SMARCA1: variants seen among roughly 807,000 people sequenced by gnomAD.
SMARCA1 encodes the protein SNF2 related chromatin remodeling ATPase 1.
Under a neutral mutation model 93.6 loss-of-function variants are expected in SMARCA1, and 17 were observed. The observed-to-expected ratio is 0.18, with a 90% CI of 0.12 to 0.27. SMARCA1 has a LOEUF of 0.27. SMARCA1 is among the 10% of genes least tolerant of loss of function. SMARCA1 has a pLI of 1.00. For synonymous variants in SMARCA1, 271 were observed against 271.4 expected (o/e 1.00, Z 0.01); for missense variants, 630 against 819.0 (o/e 0.77, Z 2.82).
chrX:129,480,558 C>G (rs968932266), intron 19 of SMARCA1, 143 bp downstream of exon 19: 71 of 260,098 alleles, frequency 2.7e-4, no homozygotes, highest in African/African-American at 1.7e-3. Context: ...AGTTAAACTT[C>G]CTCTTTGGTT....
chrX:129,488,286 CAA>C (rs34476497), intron 16 of SMARCA1, among the ~76,000 whole-genome samples: 664 of 46,681 alleles, frequency 0.014, 5 homozygotes, highest in African/African-American at 0.041. Context: ...TAGTCCAGTG[CAA>C]AAAAAAAAAA....
At chrX:129,488,284 T>A (rs1340979868) in intron 16 of SMARCA1, among the ~76,000 whole-genome samples, 4 of 60,164 alleles carry the variant, frequency 6.6e-5, no homozygotes, top group Non-Finnish European at 8.3e-5. Flanking sequence ...TCTAGTCCAG[T>A]GCAAAAAAAA....
intron 3 of SMARCA1, 59 bp from the exon 4 acceptor site, chrX:129,516,053 A>G: frequency 1.2e-6 from 1 of 830,073 alleles, no homozygotes; most frequent in Non-Finnish European, 1.8e-6. Flanking sequence ...TATCAATTAA[A>G]TCAGTGTACA....
At chrX:129,496,531 GAT>G (rs1934335178) in intron 12 of SMARCA1, among the ~76,000 whole-genome samples, 1 of 110,796 alleles carries the variant, frequency 9.0e-6, no homozygotes, top group African/African-American at 3.3e-5. Flanking sequence ...GTGCCCTTTA[GAT>G]AAGTGGTGAT....
Position 129,471,304 on chromosome X carries a change from G to A in SMARCA1, c.2465C>T (p.Pro822Leu). The A allele has an allele frequency of 8.3e-7, 1 of 1,197,689 alleles. No individual in the cohort carries two copies. Among genetic ancestry groups the A allele is most frequent in the Middle Eastern group, 2.3e-4 (1 of 4,289 alleles). Reference sequence around the variant, plus strand: ...TTCTCTTTGAGCCAGAGCTGGATTTGGGATATCAGGATTCCTTGGAACCTA... The same window carrying A: ...TTCTCTTTGAGCCAGAGCTGGATTTAGGATATCAGGATTCCTTGGAACCTA... The part of the protein sequence containing the change: ...GYKVPRNPDI[P>L]NPALAQREEQ... Residue 822 changes from proline to leucine, a missense_variant, in exon 20 of 25, where the codon CCA becomes CTA. By Grantham distance (98) the Pro-to-Leu change is moderately conservative (BLOSUM62 -3). Coordinates refer to ENST00000371121, the MANE Select transcript of SMARCA1 (RefSeq NM_001282874.2).
intron 21 of SMARCA1, 117 bp from the exon 22 acceptor site, chrX:129,466,079 G>T (rs992699799): frequency 3.0e-5 from 10 of 335,209 alleles, no homozygotes; most frequent in African/African-American, 2.4e-4. Flanking sequence ...TTAAAATTAA[G>T]ATTCAGATTA....
intron 23 of SMARCA1, among the ~76,000 whole-genome samples, chrX:129,453,931 G>GA (rs1369429123): frequency 9.0e-6 from 1 of 111,665 alleles, no homozygotes; most frequent in East Asian, 2.8e-4. Context: ...CACAGAATTA[G>GA]AAAAAACTAC....
At chrX:129,475,957 T>A (rs1274855729) in intron 19 of SMARCA1, among the ~76,000 whole-genome samples, 1 of 112,469 alleles carries the variant, frequency 8.9e-6, no homozygotes, top group Non-Finnish European at 1.9e-5. Flanking sequence ...TTGTCAAATG[T>A]TTATATTTGT....
At chrX:129,479,238 C>T (rs1933532655) in intron 19 of SMARCA1, among the ~76,000 whole-genome samples, 1 of 111,901 alleles carries the variant, frequency 8.9e-6, no homozygotes. Flanking sequence ...TTCTAAACCT[C>T]AAATTATTAT....
At chrX:129,482,547 T>C (rs1933728911) in intron 17 of SMARCA1, among the ~76,000 whole-genome samples, 1 of 111,242 alleles carries the variant, frequency 9.0e-6, no homozygotes, top group South Asian at 3.8e-4. Context: ...GGGAAATTAT[T>C]TTTTTCCACC....
At chrX:129,472,380 A>C (rs1933166268) in intron 19 of SMARCA1, among the ~76,000 whole-genome samples, 1 of 111,491 alleles carries the variant, frequency 9.0e-6, no homozygotes, top group Non-Finnish European at 1.9e-5. Context: ...TAGGGGCATC[A>C]GGTAGTCATG....
At chrX:129,506,467 A>G (rs767982486) in intron 7 of SMARCA1, among the ~76,000 whole-genome samples, 1 of 110,020 alleles carries the variant, frequency 9.1e-6, no homozygotes, top group African/African-American at 3.3e-5. Context: ...CAGGTGGATC[A>G]CCTCAGGTCT....
At chrX:129,464,225 C>T (rs1932856051) in intron 23 of SMARCA1, among the ~76,000 whole-genome samples, 1 of 112,154 alleles carries the variant, frequency 8.9e-6, no homozygotes, top group Admixed American at 9.5e-5. Flanking sequence ...TCCTTTTATT[C>T]AACTTGAACT....
At chrX:129,491,728 A>G (rs904780501) in intron 14 of SMARCA1, among the ~76,000 whole-genome samples, 1 of 111,941 alleles carries the variant, frequency 8.9e-6, no homozygotes, top group Admixed American at 9.5e-5. Context: ...CATAAATGCT[A>G]TAAGTTGGAT....
At chrX:129,511,245 T>C (rs749628560) in intron 6 of SMARCA1, among the ~76,000 whole-genome samples, 1 of 111,640 alleles carries the variant, frequency 9.0e-6, no homozygotes, top group East Asian at 2.8e-4. Flanking sequence ...CCTGAGAATA[T>C]ATACAGACAT....
intron 23 of SMARCA1, among the ~76,000 whole-genome samples, chrX:129,452,654 T>C (rs923827027): frequency 1.8e-5 from 2 of 112,319 alleles, no homozygotes; most frequent in African/African-American, 3.2e-5. Context: ...ACTCTTGTTC[T>C]GCATATCATC....
chrX:129,512,260 C>T (rs932358814), intron 5 of SMARCA1, among the ~76,000 whole-genome samples: 4 of 111,939 alleles, frequency 3.6e-5, no homozygotes, highest in African/African-American at 1.3e-4. Flanking sequence ...ACATTTTCCT[C>T]CTAAAGGAGC....
intron 19 of SMARCA1, among the ~76,000 whole-genome samples, chrX:129,478,144 CAT>C (rs764132260): frequency 1.8e-5 from 2 of 111,877 alleles, no homozygotes; most frequent in South Asian, 7.6e-4. Flanking sequence ...ATGAGATACC[CAT>C]GTTATACTCC....
intron 20 of SMARCA1, among the ~76,000 whole-genome samples, chrX:129,470,507 A>G (rs56696970): frequency 0.052 from 5,858 of 111,938 alleles, 157 homozygotes; most frequent in African/African-American, 0.11. Flanking sequence ...ATAAAAAATT[A>G]GTAGAATATA....
Sources: allele counts gnomAD v4.1 joint callset (sites outside exome capture counted in the v4.1 genomes callset), GRCh38; gene constraint gnomAD v4.1.1; transcripts MANE v1.5; gene names NCBI Gene and HGNC (gene_info 2026-07-23, HGNC 2026-07-21).